Variants in SLC4A10 observed in about 807,000 individuals in gnomAD.
SLC4A10 encodes the protein solute carrier family 4 member 10, also known as sodium-driven chloride bicarbonate exchanger.
SLC4A10 carries 42 observed loss-of-function variants against 137.7 expected under a neutral mutation model. That is an observed-to-expected ratio of 0.30 (90% CI 0.24 to 0.39). The LOEUF (loss-of-function observed/expected upper bound fraction) is 0.39. Among genes scored for constraint, SLC4A10 ranks in the 10% least tolerant of loss-of-function variants. SLC4A10 has a pLI of 1.00. For missense variants in SLC4A10, 925 were observed against 1,355.0 expected, an observed-to-expected ratio of 0.68 and a Z score of 4.98; for synonymous variants, 474 against 464.1, an observed-to-expected ratio of 1.02 and a Z score of -0.27.
intron 3 of SLC4A10, among the ~76,000 whole-genome samples, chr2:161,826,183 G>A (rs1319977429): frequency 6.6e-6 from 1 of 152,140 alleles, no homozygotes; most frequent in African/African-American, 2.4e-5. Context: ...GCTTCAAGGA[G>A]ACTGGAGACA....
At chr2:161,864,156 C>T (rs1054018427) in intron 6 of SLC4A10, among the ~76,000 whole-genome samples, 6 of 151,774 alleles carry the variant, frequency 4.0e-5, no homozygotes, top group Admixed American at 6.6e-5. Context: ...GAGCCGAGAT[C>T]GCGCCACTGC....
intron 1 of SLC4A10, among the ~76,000 whole-genome samples, chr2:161,665,779 G>A (rs2038967617): frequency 6.6e-6 from 1 of 151,242 alleles, no homozygotes. Context: ...TGATTTGAAT[G>A]GTAATCTTGG....
At chr2:161,761,727 G>A (rs78777360) in intron 1 of SLC4A10, among the ~76,000 whole-genome samples, 23 of 152,160 alleles carry the variant, frequency 1.5e-4, no homozygotes, top group East Asian at 7.7e-4. Flanking sequence ...CACAGCAACC[G>A]TCAGAAGTAT....
intron 21 of SLC4A10, among the ~76,000 whole-genome samples, chr2:161,961,855 G>A (rs185685022): frequency 1.2e-3 from 177 of 152,156 alleles, no homozygotes; most frequent in African/African-American, 4.1e-3. Context: ...GAGTTTTAAA[G>A]AACACAAATG....
At chr2:161,699,048 C>G (rs545436019) in intron 1 of SLC4A10, among the ~76,000 whole-genome samples, 3 of 152,200 alleles carry the variant, frequency 2.0e-5, no homozygotes, top group Admixed American at 2.0e-4. Flanking sequence ...GAGATGGAGT[C>G]TCGCTCTGTC....
chr2:161,878,894 T>C, intron 8 of SLC4A10, among the ~76,000 whole-genome samples: 1 of 152,110 alleles, frequency 6.6e-6, no homozygotes, highest in East Asian at 1.9e-4. Context: ...AGAAACTTCT[T>C]TTAAAAATAA....
At chr2:161,974,043 C>T (rs1007542794) in intron 23 of SLC4A10, among the ~76,000 whole-genome samples, 16 of 152,078 alleles carry the variant, frequency 1.1e-4, no homozygotes, top group Non-Finnish European at 2.1e-4. Flanking sequence ...ATTTAAATTA[C>T]TTTGTGTTAT....
chr2:161,964,386 A>C, intron 22 of SLC4A10, 78 bp downstream of exon 22: 1 of 1,420,884 alleles, frequency 7.0e-7, no homozygotes, highest in Non-Finnish European at 9.8e-7. Context: ...ATGAATTGAA[A>C]CTGGAACAAC....
In SLC4A10 at chr2:161,984,282, C is replaced by T. The variant is rs2106044757; in HGVS notation, c.*1130C>T. On this transcript the variant is annotated 3_prime_UTR_variant, in exon 27 of 27. Transcript: ENST00000446997. Reference sequence around the variant, plus strand: ...ATTTCAGATTCCATTTGAGAAGGTTCTGTAGATATTTCAGTCCATATAAAA... The same window carrying T: ...ATTTCAGATTCCATTTGAGAAGGTTTTGTAGATATTTCAGTCCATATAAAA... 1 of 151,918 alleles carries T rather than the reference C, an allele frequency of 6.6e-6. No individual in the cohort carries two copies. The highest frequency in any genetic ancestry group is 1.9e-4 in the East Asian group (1 of 5,186). 9.4% of individuals were successfully genotyped at this position (151,918 alleles called of 1,614,324 possible).
chr2:161,710,140 A>T (rs909392844), intron 1 of SLC4A10, among the ~76,000 whole-genome samples: 5 of 151,722 alleles, frequency 3.3e-5, no homozygotes, highest in African/African-American at 1.2e-4. Flanking sequence ...TATGTTATTC[A>T]GGCTACTTAG....
At chr2:161,843,172 G>T (rs1240568396) in intron 4 of SLC4A10, among the ~76,000 whole-genome samples, 1 of 152,100 alleles carries the variant, frequency 6.6e-6, no homozygotes, top group East Asian at 1.9e-4. Flanking sequence ...AGATCAAATA[G>T]TGACCCATTC....
At chr2:161,704,873 A>G (rs1027893718) in intron 1 of SLC4A10, among the ~76,000 whole-genome samples, 1 of 151,586 alleles carries the variant, frequency 6.6e-6, no homozygotes, top group African/African-American at 2.4e-5. Flanking sequence ...CATAAATCTT[A>G]ATCTGCCCTA....
At chr2:161,845,289 TC>T (rs2059422491) in intron 4 of SLC4A10, among the ~76,000 whole-genome samples, 1 of 152,146 alleles carries the variant, frequency 6.6e-6, no homozygotes, top group Non-Finnish European at 1.5e-5. Flanking sequence ...CATTTAAATA[TC>T]TCTTAAAGAA....
At chr2:161,963,329 G>A (rs900150423) in intron 21 of SLC4A10, among the ~76,000 whole-genome samples, 1 of 151,846 alleles carries the variant, frequency 6.6e-6, no homozygotes, top group Non-Finnish European at 1.5e-5. Flanking sequence ...TATCTTTATG[G>A]CAAGATTGAA....
At chr2:161,704,367 T>C (rs1307737249) in intron 1 of SLC4A10, among the ~76,000 whole-genome samples, 1 of 151,630 alleles carries the variant, frequency 6.6e-6, no homozygotes, top group Non-Finnish European at 1.5e-5. Flanking sequence ...CAAAGTTTAG[T>C]CAATGAAAGT....
chr2:161,861,285 A>G (rs541133680), intron 5 of SLC4A10, among the ~76,000 whole-genome samples: 12 of 152,332 alleles, frequency 7.9e-5, no homozygotes, highest in African/African-American at 2.6e-4. Context: ...TTTCCTGGCC[A>G]GGTGAAAAAT....
intron 1 of SLC4A10, among the ~76,000 whole-genome samples, chr2:161,763,969 T>G (rs1432363075): frequency 1.3e-5 from 2 of 152,160 alleles, no homozygotes; most frequent in Non-Finnish European, 2.9e-5. Context: ...GAATGGCAGA[T>G]TCATCTAATC....
intron 7 of SLC4A10, among the ~76,000 whole-genome samples, chr2:161,873,530 C>CAAAAAAA (rs759717096): frequency 1.7e-4 from 3 of 17,330 alleles, no homozygotes; most frequent in Admixed American, 7.4e-4. Flanking sequence ...GACCACATCT[C>CAAAAAAA]AAAAAAAAAA....
chr2:161,720,443 G>T (rs2045524421), intron 1 of SLC4A10, among the ~76,000 whole-genome samples: 4 of 152,132 alleles, frequency 2.6e-5, no homozygotes. Context: ...AAAGTCATTG[G>T]TAGCTTGATG....
Sources: gnomAD v4.1 joint callset for allele counts (sites outside exome capture counted in the v4.1 genomes callset) on GRCh38, gnomAD v4.1.1 for gene constraint, MANE v1.5 for transcripts, NCBI Gene and HGNC (gene_info 2026-07-23, HGNC 2026-07-21) for gene names.